Variants in CYRIB observed in about 807,000 individuals in gnomAD.
CYRIB encodes the protein CYFIP related Rac1 interactor B.
In CYRIB, 8 loss-of-function variants were observed where a neutral mutation model predicts 44.2. The observed-to-expected ratio is 0.18, with a 90% CI of 0.11 to 0.33. The LOEUF is 0.33. Among genes scored for constraint, CYRIB ranks in the 10% least tolerant of loss-of-function variants. CYRIB has a pLI of 1.00. For synonymous variants in CYRIB, 131 were observed against 127.2 expected (o/e 1.03, Z -0.20); for missense variants, 185 against 382.8 (o/e 0.48, Z 4.31).
chr8:129,941,995 G>A (rs748608200), upstream of CYRIB, among the ~76,000 whole-genome samples: 4 of 152,146 alleles, frequency 2.6e-5, no homozygotes, highest in Non-Finnish European at 5.9e-5. Flanking sequence ...CATGACGCTG[G>A]CCTAGGGAGC....
intron 3 of CYRIB, among the ~76,000 whole-genome samples, chr8:129,873,608 C>T (rs567392169): frequency 2.0e-5 from 3 of 151,972 alleles, no homozygotes; most frequent in Admixed American, 1.3e-4. Context: ...AGTGGGAATT[C>T]ATGACAAAGG....
At position 129,867,428 on chromosome 8, in the gene CYRIB, TA is replaced by T. The variant is rs577506054; in HGVS notation, c.195+3946del. On this transcript the variant is annotated intron_variant, in intron 4 of 11. Coordinates refer to ENST00000519824, the Ensembl canonical transcript of CYRIB. ...GGTGTGTGCCACCAATTTGGCTATT[TA>T]TTTTTTTAAAATTTACAAAAAAAAA... Among the ~76,000 whole-genome samples, 70 of 151,872 alleles carry T rather than the reference TA, an allele frequency of 4.6e-4. No individual in the cohort carries two copies. In the South Asian group the frequency reaches 0.01, roughly 22 times the overall value.
chr8:129,892,799 A>C (rs1442895213), intron 2 of CYRIB, among the ~76,000 whole-genome samples: 1 of 152,212 alleles, frequency 6.6e-6, no homozygotes, highest in Admixed American at 6.5e-5. Flanking sequence ...CATACGATAA[A>C]GATGAATAAG....
intron 1 of CYRIB, among the ~76,000 whole-genome samples, chr8:130,007,244 G>T (rs1203425114): frequency 6.6e-6 from 1 of 152,126 alleles, no homozygotes; most frequent in Non-Finnish European, 1.5e-5. Flanking sequence ...TCCCAGCAGG[G>T]TCCAGCAGGA....
intron 1 of CYRIB, among the ~76,000 whole-genome samples, chr8:130,006,623 TATATAC>T (rs1403063831): frequency 1.0e-5 from 1 of 98,112 alleles, no homozygotes; most frequent in Non-Finnish European, 2.0e-5. Context: ...TATGTGTATA[TATATAC>T]ATATATATGT....
chr8:129,846,929 C>T, intron 10 of CYRIB, 55 bp from the exon 13 acceptor site: 1 of 1,040,128 alleles, frequency 9.6e-7, no homozygotes, highest in Non-Finnish European at 1.4e-6. Flanking sequence ...ATGTAACATT[C>T]CTTTTCAAAA....
intron 5 of CYRIB, among the ~76,000 whole-genome samples, chr8:129,857,076 T>C (rs1168621857): frequency 2.0e-5 from 3 of 152,228 alleles, no homozygotes; most frequent in African/African-American, 4.8e-5. Context: ...TTCTCATCCA[T>C]GTAATAACTC....
chr8:129,940,748 G>A (rs536197079), upstream of CYRIB, among the ~76,000 whole-genome samples: 4 of 152,264 alleles, frequency 2.6e-5, no homozygotes, highest in African/African-American at 9.6e-5. Flanking sequence ...TTTGACAGCT[G>A]AGCAGATCAC....
intron 1 of CYRIB, among the ~76,000 whole-genome samples, chr8:129,990,303 T>C (rs1429020262): frequency 6.6e-6 from 1 of 152,212 alleles, no homozygotes; most frequent in Non-Finnish European, 1.5e-5. Flanking sequence ...GCTTGTTTTA[T>C]GTAGTCTTAA....
At chr8:129,933,827 T>C (rs983322088) in intron 1 of CYRIB, among the ~76,000 whole-genome samples, 4 of 151,686 alleles carry the variant, frequency 2.6e-5, no homozygotes, top group Non-Finnish European at 4.4e-5. Context: ...TGAGCCAAGA[T>C]TGCGTCATTG....
chr8:129,920,039 C>A (rs1409291707), intron 1 of CYRIB, among the ~76,000 whole-genome samples: 12 of 147,678 alleles, frequency 8.1e-5, no homozygotes, highest in African/African-American at 2.8e-4. Context: ...TATATAATTC[C>A]AAATTTGGAC....
intron 1 of CYRIB, among the ~76,000 whole-genome samples, chr8:129,974,308 A>G (rs2132327264): frequency 6.6e-6 from 1 of 152,310 alleles, no homozygotes; most frequent in South Asian, 2.1e-4. Context: ...TAAAGGAGCA[A>G]AACATCGCTT....
exon 12 of CYRIB, chr8:129,841,986 G>A (rs2036552514): frequency 1.6e-6 from 1 of 614,256 alleles, no homozygotes; most frequent in East Asian, 2.8e-5. Flanking sequence ...CAGAAAAGAA[G>A]TCTTAAGAAC....
At chr8:129,999,791 T>C (rs2096866487) in intron 1 of CYRIB, among the ~76,000 whole-genome samples, 1 of 152,158 alleles carries the variant, frequency 6.6e-6, no homozygotes, top group African/African-American at 2.4e-5. Context: ...CACGCCCAGA[T>C]AATATTTTTA....
At chr8:129,866,929 T>C (rs1327627344) in intron 4 of CYRIB, among the ~76,000 whole-genome samples, 1 of 152,230 alleles carries the variant, frequency 6.6e-6, no homozygotes, top group Non-Finnish European at 1.5e-5. Flanking sequence ...TAGCCCAACA[T>C]GCAAAAGGGC....
intron 2 of CYRIB, among the ~76,000 whole-genome samples, chr8:129,899,346 A>G (rs2070181051): frequency 6.6e-6 from 1 of 152,226 alleles, no homozygotes; most frequent in African/African-American, 2.4e-5. Context: ...TTTATTTTAA[A>G]GGCTGATTTA....
intron 2 of CYRIB, among the ~76,000 whole-genome samples, chr8:129,886,461 A>G (rs1409948053): frequency 6.6e-6 from 1 of 152,200 alleles, no homozygotes; most frequent in Admixed American, 6.5e-5. Flanking sequence ...ATCTTAAAAC[A>G]TAAACAGAAA....
chr8:129,875,604 A>C (rs536554577), intron 3 of CYRIB, among the ~76,000 whole-genome samples: 2 of 152,302 alleles, frequency 1.3e-5, no homozygotes, highest in African/African-American at 4.8e-5. Flanking sequence ...ACTATTATTA[A>C]ATAAAAACAA....
intron 2 of CYRIB, chr8:129,880,276 T>C (rs1239404744): frequency 3.6e-6 from 2 of 556,370 alleles, no homozygotes; most frequent in Admixed American, 6.4e-5. Context: ...ATTCCCATGT[T>C]TAATTAACAA....
Sources: allele counts gnomAD v4.1 joint callset (sites outside exome capture counted in the v4.1 genomes callset), GRCh38; gene constraint gnomAD v4.1.1; transcripts MANE v1.5; gene names NCBI Gene and HGNC (gene_info 2026-07-23, HGNC 2026-07-21).